Variants in MID1 observed in about 807,000 individuals in gnomAD.
MID1 encodes midline 1.
MID1 carries 7 observed loss-of-function variants against 40.4 expected under a neutral mutation model. The observed-to-expected ratio is 0.17, with a 90% CI of 0.10 to 0.33. The LOEUF is 0.33. Among genes scored for constraint, MID1 ranks in the 10% least tolerant of loss-of-function variants. The probability of loss-of-function intolerance (pLI) is 1.00; values close to 1 mark genes in which losing one functional copy is unlikely to be tolerated. For synonymous variants in MID1, 229 were observed against 221.2 expected (o/e 1.04, Z -0.31); for missense variants, 367 against 558.5 (o/e 0.66, Z 3.46).
upstream of MID1, among the ~76,000 whole-genome samples, chrX:10,621,470 G>T (rs1848435496): frequency 8.9e-6 from 1 of 112,169 alleles, no homozygotes; most frequent in African/African-American, 3.2e-5. Context: ...CTACCTTCTG[G>T]ATTTCAAGAA....
chrX:10,765,983 GAAA>G (rs2043724366), intron 1 of MID1, among the ~76,000 whole-genome samples: 1 of 106,449 alleles, frequency 9.4e-6, no homozygotes, highest in South Asian at 4.2e-4. Flanking sequence ...AAGAAAGAAA[GAAA>G]GAAAGAAAGA....
At chrX:10,626,514 A>C (rs1341462651) in intron 1 of MID1, among the ~76,000 whole-genome samples, 1 of 109,916 alleles carries the variant, frequency 9.1e-6, no homozygotes, top group East Asian at 2.8e-4. Context: ...AGGCCTATGA[A>C]ATTTTAATAG....
At chrX:10,479,365 T>G (rs1300609660) in intron 5 of MID1, among the ~76,000 whole-genome samples, 1 of 110,468 alleles carries the variant, frequency 9.1e-6, no homozygotes, top group East Asian at 2.8e-4. Flanking sequence ...CATTTTTAAG[T>G]TTTTTTTTAA....
intron 1 of MID1, among the ~76,000 whole-genome samples, chrX:10,605,186 T>C: frequency 8.9e-6 from 1 of 112,580 alleles, no homozygotes. Flanking sequence ...ACATGGCTTC[T>C]TTAAAATATA....
Position 10,613,116 on chromosome X carries a change from T to C in MID1, c.-57+7174A>G, listed in dbSNP as rs1569127911. Reference sequence around the variant, plus strand: ...TCAGCAGGGCATTCAATGAATTCCATTTTCCCAGTAACATCCCCCTTCCTC... The same window carrying C: ...TCAGCAGGGCATTCAATGAATTCCACTTTCCCAGTAACATCCCCCTTCCTC... On this transcript the variant is annotated intron_variant, in intron 1 of 9. Coordinates refer to ENST00000317552, the MANE Select transcript of MID1 (RefSeq NM_000381.4). Among the ~76,000 whole-genome samples the C allele has an allele frequency of 3.6e-5, 4 of 111,468 alleles. No homozygotes were observed. The Admixed American group carries it at 3.8e-4, about 11-fold the overall frequency.
At chrX:10,740,638 T>C (rs1446540198) in intron 1 of MID1, among the ~76,000 whole-genome samples, 1 of 111,982 alleles carries the variant, frequency 8.9e-6, no homozygotes, top group Non-Finnish European at 1.9e-5. Flanking sequence ...CTTAGTTTTT[T>C]TGAACTGTAA....
intron 1 of MID1, among the ~76,000 whole-genome samples, chrX:10,754,666 T>C (rs2043621192): frequency 9.0e-6 from 1 of 110,973 alleles, no homozygotes; most frequent in Non-Finnish European, 1.9e-5. Context: ...GTGCACTGTA[T>C]GATGGTGATG....
rs750393958 is a variant in MID1 at position 10,474,854 on chromosome X, C to T, written c.1014-104G>A. On this transcript the variant is annotated intron_variant, in intron 5 of 9. Coordinates refer to ENST00000317552, the MANE Select transcript of MID1 (RefSeq NM_000381.4). ...GAAAATAAATATCTCTTAAAAAGTG[C>T]TTTTTTACACATGAGTTTTAAGAGG... The T allele has an allele frequency of 3.6e-6, 3 of 831,558 alleles. No homozygotes were observed. In the Admixed American group the frequency reaches 6.9e-5, roughly 19 times the overall value. The allele number at this position is 831,558 out of a possible 1,213,427, so 68.5% of individuals were successfully genotyped here. A position where few individuals can be genotyped will look rare whatever the true frequency, so the allele number is the denominator to read the frequency against.
In MID1 at chrX:10,682,352, T is replaced by C. The variant is rs761147082; in HGVS notation, c.-186-61933A>G. On this transcript the variant is annotated intron_variant, in intron 1 of 10. Coordinates refer to the MID1 transcript ENST00000380785. ...TTCCTTTCTTTTTATCTTTTTTTTT[T>C]CTTTGTAGATAATTGAAACCTAATT... is the stretch of plus-strand genomic sequence containing the variant. 1.5e-4 allele frequency among the ~76,000 whole-genome samples: 16 copies of C among 110,325 alleles called. No homozygotes were observed. In the East Asian group the frequency reaches 4.5e-3, roughly 31 times the overall value.
At chrX:10,659,919 A>C (rs2042899768) in intron 1 of MID1, among the ~76,000 whole-genome samples, 1 of 112,397 alleles carries the variant, frequency 8.9e-6, no homozygotes, top group Non-Finnish European at 1.9e-5. Flanking sequence ...TAAAAGGGCC[A>C]TTTATTACAG....
intron 1 of MID1, among the ~76,000 whole-genome samples, chrX:10,829,245 A>G (rs1031655999): frequency 2.7e-5 from 3 of 112,269 alleles, no homozygotes; most frequent in African/African-American, 9.7e-5. Flanking sequence ...AACAATAGCT[A>G]TAAATAATTC....
intron 2 of MID1, among the ~76,000 whole-genome samples, chrX:10,564,680 G>C (rs1008252894): frequency 4.5e-5 from 5 of 111,661 alleles, no homozygotes; most frequent in African/African-American, 1.6e-4. Context: ...GCTAGAGCAT[G>C]ACAGGAATTC....
intron 3 of MID1, chrX:10,505,580 GA>G (rs1602317706): frequency 1.3e-6 from 1 of 753,861 alleles, no homozygotes; most frequent in Non-Finnish European, 1.6e-6. Context: ...TAAAGTTTCT[GA>G]AAAGTAGCGA....
At chrX:10,467,416 C>T (rs753733101) in intron 7 of MID1, among the ~76,000 whole-genome samples, 9 of 112,125 alleles carry the variant, frequency 8.0e-5, no homozygotes, top group Admixed American at 6.6e-4. Flanking sequence ...CCCCAAAAAG[C>T]ACTTCAAATA....
rs145576092 is a variant in MID1, at chrX:10,532,738, G to T, written c.661-9551C>A. 3.3e-3 allele frequency among the ~76,000 whole-genome samples: 358 copies of T among 109,171 alleles called. 1 individual carries two copies. Among genetic ancestry groups the T allele is most frequent in the African/African-American group, 0.011 (344 of 30,145 alleles). The allele number at this position is 109,171 out of a possible 115,157, so 94.8% of individuals were successfully genotyped here. On this transcript the variant is annotated intron_variant, in intron 2 of 9. Coordinates refer to ENST00000317552, the MANE Select transcript of MID1 (RefSeq NM_000381.4). ...GTCCACTGGTCAAACCTTGCGTGCC[G>T]CCTGTTTTTGTGTGGCTTGTTAGCT... is the stretch of plus-strand genomic sequence containing the variant.
chrX:10,501,685 T>C (rs1931550947), intron 3 of MID1: 1 of 528,467 alleles, frequency 1.9e-6, no homozygotes, highest in Non-Finnish European at 3.0e-6. Flanking sequence ...TTAATGCTCA[T>C]ATCTGCCACC....
intron 1 of MID1, among the ~76,000 whole-genome samples, chrX:10,745,466 T>C (rs1263897125): frequency 8.9e-6 from 1 of 112,366 alleles, no homozygotes; most frequent in Non-Finnish European, 1.9e-5. Context: ...TCCTACCATC[T>C]GACTCACAGA....
At chrX:10,502,708 G>T (rs1279082267) in intron 3 of MID1, among the ~76,000 whole-genome samples, 1 of 111,941 alleles carries the variant, frequency 8.9e-6, no homozygotes, top group Non-Finnish European at 1.9e-5. Context: ...CCTAGATTCG[G>T]CCTCATGGCA....
chrX:10,542,917 T>C (rs894762864), intron 2 of MID1, among the ~76,000 whole-genome samples: 3 of 112,578 alleles, frequency 2.7e-5, no homozygotes, highest in African/African-American at 9.7e-5. Flanking sequence ...GAAGTCTTAA[T>C]TCAATGACTA....
Sources: allele counts gnomAD v4.1 joint callset (sites outside exome capture counted in the v4.1 genomes callset), GRCh38; gene constraint gnomAD v4.1.1; transcripts MANE v1.5; gene names NCBI Gene and HGNC (gene_info 2026-07-23, HGNC 2026-07-21).